Variants in LRRK2 observed in about 807,000 individuals in gnomAD.
The protein encoded by LRRK2 is leucine rich repeat kinase 2, also known as leucine-rich repeat serine/threonine-protein kinase 2.
LRRK2 carries 203 observed loss-of-function variants against 302.6 expected under a neutral mutation model. That is an observed-to-expected ratio of 0.67 (90% confidence interval 0.60 to 0.75). The LOEUF (loss-of-function observed/expected upper bound fraction) is 0.75, where lower values mean the gene tolerates loss of function less well. Among genes scored for constraint, LRRK2 ranks in the 30% least tolerant of loss-of-function variants. The pLI, the probability that LRRK2 is intolerant of heterozygous loss-of-function variation, is 0.00. For synonymous variants in LRRK2, 1,066 were observed against 1,031.9 expected (o/e 1.03, Z -0.63); for missense variants, 2,830 against 2,951.0 (o/e 0.96, Z 0.95).
intron 48 of LRRK2, 135 bp from the exon 49 acceptor site, chr12:40,364,707 G>A: frequency 1.3e-6 from 1 of 770,192 alleles, no homozygotes; most frequent in South Asian, 1.7e-5. Flanking sequence ...AATTTGCTTT[G>A]TATAATTTTA....
chr12:40,324,887 A>G (rs1293266330), intron 38 of LRRK2, among the ~76,000 whole-genome samples: 1 of 152,212 alleles, frequency 6.6e-6, no homozygotes, highest in Non-Finnish European at 1.5e-5. Context: ...AAGAAATCCC[A>G]AACTGTCAGA....
At chr12:40,240,396 C>A (rs912069329) in intron 5 of LRRK2, 87 bp from the exon 6 acceptor site, 3 of 1,239,706 alleles carry the variant, frequency 2.4e-6, no homozygotes, top group Non-Finnish European at 3.5e-6. Context: ...GTATCTCACA[C>A]AACTATAATG....
rs191695847 is a variant in LRRK2, at chr12:40,230,072, T to C, written c.238-2202T>C. The stretch of plus-strand genomic sequence containing the variant: ...CTATGAAAGCACAAAAATAGTCAGT[T>C]TCTATGACAGCTGGATTGTCAACGT... On this transcript the variant is annotated intron_variant, in intron 2 of 50. Coordinates refer to ENST00000298910, the MANE Select transcript of LRRK2 (RefSeq NM_198578.4). 2.6e-5 allele frequency among the ~76,000 whole-genome samples: 4 copies of C among 152,020 alleles called. No homozygotes were observed. The East Asian group carries it at 7.8e-4, about 29-fold the overall frequency.
chr12:40,277,817 C>T, intron 16 of LRRK2, 71 bp from the exon 17 acceptor site: 1 of 1,379,114 alleles, frequency 7.3e-7, no homozygotes, highest in Non-Finnish European at 9.9e-7. Context: ...TACAAACTCT[C>T]TCTGCTTTAT....
intron 14 of LRRK2, among the ~76,000 whole-genome samples, chr12:40,265,850 T>C (rs979475186): frequency 6.6e-6 from 1 of 152,078 alleles, no homozygotes. Context: ...TAATGCCGCA[T>C]ATCTACAACC....
intron 4 of LRRK2, 133 bp from the exon 5 acceptor site, chr12:40,237,836 A>G: frequency 1.0e-6 from 1 of 953,736 alleles, no homozygotes; most frequent in South Asian, 1.5e-5. Flanking sequence ...CAAACAAACA[A>G]ACAAACAAAC....
chr12:40,346,925 T>C lies in LRRK2; in HGVS notation c.6280+2T>C. 1.9e-6 allele frequency: 3 copies of C among 1,609,558 alleles called. No homozygotes were observed. Among genetic ancestry groups the C allele is most frequent in the South Asian group, 1.1e-5 (1 of 89,840 alleles). ...TAGAAATACAAGGAAAATTACCTGG[T>C]AAGTTCTGTTTTCTCTACAATGAAG... On this transcript the variant is annotated splice_donor_variant, in intron 42 of 50. Coordinates refer to ENST00000298910, the MANE Select transcript of LRRK2 (RefSeq NM_198578.4). LOFTEE classifies it high-confidence loss of function.
In LRRK2 at chr12:40,243,659, T is replaced by G. The variant is rs756383104; in HGVS notation, c.816T>G (p.Cys272Trp). The G allele has an allele frequency of 6.2e-7, 1 of 1,611,878 alleles. No individual in the cohort carries two copies. Among genetic ancestry groups the G allele is most frequent in the African/African-American group, 1.3e-5 (1 of 74,940 alleles). ...MSERIQEVSCCLLHRLTLGNF... is the reference protein window; with the variant it reads ...MSERIQEVSCWLLHRLTLGNF... ...AAAGAATTCAAGAAGTGAGTTGCTG[T>G]TTGCTCCATAGGCTTACATTAGGTG... The change falls in exon 7 of 51, where the codon TGT becomes TGG. Residue 272 changes from cysteine to tryptophan, a missense_variant. Around this residue, in one of 3 missense-constraint regions of LRRK2, gnomAD observed 2,121 missense variants for 2,148.0 expected, o/e 0.99. Coordinates refer to ENST00000298910, the MANE Select transcript of LRRK2 (RefSeq NM_198578.4).
intron 30 of LRRK2, 76 bp from the exon 31 acceptor site, chr12:40,310,355 A>C (rs1592269943): frequency 4.4e-6 from 6 of 1,367,352 alleles, no homozygotes; most frequent in Non-Finnish European, 6.3e-6. Context: ...ATGTCACGGA[A>C]AGCAAATATC....
intron 20 of LRRK2, among the ~76,000 whole-genome samples, chr12:40,292,822 T>A (rs553992067): frequency 1.3e-5 from 2 of 152,156 alleles, no homozygotes; most frequent in South Asian, 2.1e-4. Flanking sequence ...ATGATTTTTT[T>A]ATTGATCTTT....
rs1944251293 is a variant in LRRK2 at position 40,293,654 on chromosome 12, C to T, written c.2799C>T (p.Ser933=). 1.9e-6 allele frequency: 3 copies of T among 1,600,480 alleles called. No individual in the cohort carries two copies. The South Asian group carries it at 3.3e-5, about 18-fold the overall frequency. ...QRCSPNLQRH[S]NSLGPIFDHE... Reference sequence around the variant, plus strand: ...GCTCACCAAATTTGCAAAGACATTCCAATTCCTTGGTAAGTTAAATTGTGC... The same window carrying T: ...GCTCACCAAATTTGCAAAGACATTCTAATTCCTTGGTAAGTTAAATTGTGC... The change falls in exon 21 of 51, where the codon TCC becomes TCT. Residue 933 remains serine (S), a synonymous_variant. Transcript: ENST00000298910.
intron 44 of LRRK2, among the ~76,000 whole-genome samples, chr12:40,353,849 C>T (rs554756161): frequency 6.6e-5 from 10 of 152,336 alleles, no homozygotes; most frequent in South Asian, 2.1e-4. Flanking sequence ...TCAGGCGTGG[C>T]GGCGCACGCC....
intron 44 of LRRK2, among the ~76,000 whole-genome samples, chr12:40,353,352 G>A (rs1459968627): frequency 1.8e-4 from 27 of 148,772 alleles, no homozygotes; most frequent in Admixed American, 1.2e-3. Flanking sequence ...ACAGGGTTGC[G>A]GCCGGGCATA....
chr12:40,345,893 T>A (rs1946177605), intron 41 of LRRK2, among the ~76,000 whole-genome samples: 1 of 152,154 alleles, frequency 6.6e-6, no homozygotes, highest in East Asian at 1.9e-4. Context: ...AGTTGATTTT[T>A]TCCACATATT....
At chr12:40,273,047 T>A (rs1371806036) in intron 14 of LRRK2, among the ~76,000 whole-genome samples, 1 of 152,208 alleles carries the variant, frequency 6.6e-6, no homozygotes, top group Non-Finnish European at 1.5e-5. Context: ...TGGACAGAGC[T>A]ATCTCATTTC....
At chr12:40,364,762 GTTGT>G (rs1164135336) in intron 48 of LRRK2, 76 bp from the exon 49 acceptor site, 10 of 1,117,186 alleles carry the variant, frequency 9.0e-6, no homozygotes, top group Non-Finnish European at 1.2e-5. Context: ...AATTTAAAAT[GTTGT>G]TTATGTTATC....
intron 14 of LRRK2, among the ~76,000 whole-genome samples, chr12:40,266,455 C>G (rs948202807): frequency 6.6e-6 from 1 of 152,148 alleles, no homozygotes; most frequent in South Asian, 2.1e-4. Flanking sequence ...CAATGATATA[C>G]CATCTCACAC....
At chr12:40,237,534 G>A (rs1276814403) in intron 4 of LRRK2, among the ~76,000 whole-genome samples, 1 of 152,142 alleles carries the variant, frequency 6.6e-6, no homozygotes, top group African/African-American at 2.4e-5. Flanking sequence ...AGAGAAAGGA[G>A]GGTGGAAGAA....
At chr12:40,241,783 GC>G (rs1941731804) in intron 6 of LRRK2, among the ~76,000 whole-genome samples, 1 of 152,178 alleles carries the variant, frequency 6.6e-6, no homozygotes, top group Non-Finnish European at 1.5e-5. Context: ...TTCGGTGTAG[GC>G]AGAGTAAAAC....
Sources: gnomAD v4.1 joint callset for allele counts (sites outside exome capture counted in the v4.1 genomes callset) on GRCh38, gnomAD v4.1.1 for gene constraint, gnomAD v4.1.1 regional missense constraint, MANE v1.5 for transcripts, NCBI Gene and HGNC (gene_info 2026-07-23, HGNC 2026-07-21) for gene names.